Variants in SNX6 observed in about 807,000 individuals in gnomAD.
The protein encoded by SNX6 is sorting nexin 6.
SNX6 carries 34 observed loss-of-function variants against 63.0 expected under a neutral mutation model. That is an observed-to-expected ratio of 0.54 (90% confidence interval 0.41 to 0.72). The LOEUF (loss-of-function observed/expected upper bound fraction) is 0.72. Among genes scored for constraint, SNX6 ranks in the 30% least tolerant of loss-of-function variants. The pLI is 0.00. For missense variants in SNX6, 398 were observed against 471.4 expected (o/e 0.84, Z 1.44); for synonymous variants, 170 against 164.2 (o/e 1.04, Z -0.27).
intron 2 of SNX6, among the ~76,000 whole-genome samples, chr14:34,627,873 G>A (rs528320358): frequency 1.1e-4 from 16 of 152,084 alleles, no homozygotes; most frequent in Admixed American, 7.2e-4. Context: ...CTCTTGCCTC[G>A]GCCTCCCAAA....
chr14:34,616,564 C>T (rs910317545), intron 2 of SNX6, among the ~76,000 whole-genome samples: 1 of 152,034 alleles, frequency 6.6e-6, no homozygotes, highest in African/African-American at 2.4e-5. Context: ...CACCATGTTG[C>T]CCAGGCTGGT....
At chr14:34,593,274 T>C in intron 7 of SNX6, 124 bp from the exon 8 acceptor site, 1 of 601,948 alleles carries the variant, frequency 1.7e-6, no homozygotes. Context: ...CAGTCAGATG[T>C]TATTATACTA....
intron 2 of SNX6, among the ~76,000 whole-genome samples, chr14:34,622,059 A>G (rs1883642807): frequency 6.8e-6 from 1 of 146,700 alleles, no homozygotes; most frequent in Non-Finnish European, 1.5e-5. Context: ...CCTGGGTTCA[A>G]GCGATTCTCC....
rs1414670463 is a variant in SNX6, at chr14:34,562,433, A to G, written c.*689T>C. 5 of 152,620 alleles carry G rather than the reference A, an allele frequency of 3.3e-5. No homozygotes were observed. The highest frequency in any genetic ancestry group is 5.9e-5 in the Non-Finnish European group (4 of 68,042). The allele number at this position is 152,620 out of a possible 1,614,324, so 9.5% of individuals were successfully genotyped here. A position where few individuals can be genotyped will look rare whatever the true frequency, so the allele number is the denominator to read the frequency against. On this transcript the variant is annotated 3_prime_UTR_variant, in exon 14 of 14. Transcript: ENST00000362031. ...CATAATACAGGAGTAGATTTATTAC[A>G]GCTACTCCACATTTTCCAGAGTGAT...
chr14:34,590,118 A>G (rs1882332253), intron 8 of SNX6, among the ~76,000 whole-genome samples: 1 of 151,940 alleles, frequency 6.6e-6, no homozygotes, highest in South Asian at 2.1e-4. Flanking sequence ...AACAACAACA[A>G]AAAACAACAA....
chr14:34,600,779 T>C (rs1194457985), intron 6 of SNX6, among the ~76,000 whole-genome samples: 3 of 152,160 alleles, frequency 2.0e-5, no homozygotes, highest in African/African-American at 7.2e-5. Flanking sequence ...GGCTCACACC[T>C]GTAATCCCAG....
At chr14:34,613,033 ACT>A (rs1297073299) in intron 2 of SNX6, among the ~76,000 whole-genome samples, 1 of 119,712 alleles carries the variant, frequency 8.4e-6, no homozygotes, top group African/African-American at 3.1e-5. Context: ...ACAGAGTGAG[ACT>A]CTATCCAAAA....
intron 6 of SNX6, among the ~76,000 whole-genome samples, chr14:34,602,076 G>A (rs940760867): frequency 1.1e-4 from 16 of 150,550 alleles, no homozygotes; most frequent in Admixed American, 6.6e-4. Context: ...GATCACCTGA[G>A]GTCAGGAGTT....
intron 7 of SNX6, among the ~76,000 whole-genome samples, chr14:34,594,568 C>T (rs977492393): frequency 6.6e-6 from 1 of 151,842 alleles, no homozygotes; most frequent in African/African-American, 2.4e-5. Context: ...TGTCATGTTG[C>T]CCAGGCTGGT....
chr14:34,567,473 G>A (rs11850430), intron 13 of SNX6, among the ~76,000 whole-genome samples: 41,876 of 152,012 alleles, frequency 0.28, 6,412 homozygotes, highest in Non-Finnish European at 0.36. Flanking sequence ...GGGCAATAGC[G>A]CCAGACTCTG....
At chr14:34,603,033 T>G (rs540939550) in intron 6 of SNX6, among the ~76,000 whole-genome samples, 1 of 148,152 alleles carries the variant, frequency 6.7e-6, no homozygotes, top group Non-Finnish European at 1.5e-5. Context: ...ATCCTAGCAC[T>G]TTGGGAGGCC....
At chr14:34,601,440 G>C (rs1882811277) in intron 6 of SNX6, among the ~76,000 whole-genome samples, 1 of 151,310 alleles carries the variant, frequency 6.6e-6, no homozygotes, top group African/African-American at 2.4e-5. Context: ...TGGCCAGGCT[G>C]GTCTCAAACT....
chr14:34,576,493 G>C (rs2138280758), intron 10 of SNX6, among the ~76,000 whole-genome samples: 1 of 150,374 alleles, frequency 6.7e-6, no homozygotes, highest in South Asian at 2.1e-4. Context: ...CTGTCACCCA[G>C]GCTGGAATGC....
intron 6 of SNX6, among the ~76,000 whole-genome samples, chr14:34,598,871 G>A (rs891320149): frequency 6.6e-6 from 1 of 152,150 alleles, no homozygotes. Context: ...TTTCAGCCTG[G>A]GCAATACAGC....
intron 8 of SNX6, among the ~76,000 whole-genome samples, chr14:34,592,245 G>A (rs1882423097): frequency 6.6e-6 from 1 of 152,112 alleles, no homozygotes. Context: ...AATTAGCCAG[G>A]CGCGGTGGCA....
Position 34,624,881 on chromosome 14 carries a change from C to T in SNX6, c.54+5026G>A, listed in dbSNP as rs112440577. 8.2e-3 allele frequency among the ~76,000 whole-genome samples: 1,244 copies of T among 152,232 alleles called. 8 individuals carry two copies. The highest frequency in any genetic ancestry group is 0.012 in the Non-Finnish European group (785 of 68,018). On this transcript the variant is annotated intron_variant, in intron 2 of 13. Transcript: ENST00000362031. Reference sequence around the variant, plus strand: ...TTTGAATGTGCTGTCCCCTTTGCAACTTGTATCAATATGTACTTCATGCTT... The same window carrying T: ...TTTGAATGTGCTGTCCCCTTTGCAATTTGTATCAATATGTACTTCATGCTT...
chr14:34,601,288 C>T (rs1882804479), intron 6 of SNX6, among the ~76,000 whole-genome samples: 1 of 150,762 alleles, frequency 6.6e-6, no homozygotes, highest in African/African-American at 2.5e-5. Flanking sequence ...TGCAGTGGCG[C>T]AACCTTGGCT....
chr14:34,588,030 CAG>C (rs2138309899), intron 8 of SNX6, among the ~76,000 whole-genome samples: 1 of 146,492 alleles, frequency 6.8e-6, no homozygotes, highest in South Asian at 2.2e-4. Flanking sequence ...CTTTTTGAGA[CAG>C]AGTCTCACTC....
intron 5 of SNX6, among the ~76,000 whole-genome samples, chr14:34,604,824 G>T (rs531781640): frequency 6.7e-6 from 1 of 149,922 alleles, no homozygotes; most frequent in South Asian, 2.1e-4. Flanking sequence ...TCAGATTAGG[G>T]ATGCTCAACC....
Sources: gnomAD v4.1 joint callset for allele counts (sites outside exome capture counted in the v4.1 genomes callset) on GRCh38, gnomAD v4.1.1 for gene constraint, MANE v1.5 for transcripts, NCBI Gene and HGNC (gene_info 2026-07-23, HGNC 2026-07-21) for gene names.